The following GPC4 variants were observed in gnomAD, a reference collection of about 807,000 sequenced individuals.
GPC4 encodes glypican 4, also known as glypican-4.
A neutral mutation model predicts 35.0 loss-of-function variants in GPC4; 10 were observed. The ratio of observed to expected loss-of-function variants is 0.29; its 90% CI spans 0.18 to 0.48. The LOEUF (loss-of-function observed/expected upper bound fraction) is 0.48, where lower values mean the gene tolerates loss of function less well. GPC4 is among the 20% of genes least tolerant of loss of function. The pLI is 0.99. For synonymous variants in GPC4, 167 were observed against 170.2 expected (o/e 0.98, Z 0.15); for missense variants, 322 against 451.3 (o/e 0.71, Z 2.60).
At chrX:133,351,046 A>C (rs887023577) in intron 1 of GPC4, among the ~76,000 whole-genome samples, 1 of 112,718 alleles carries the variant, frequency 8.9e-6, no homozygotes, top group Non-Finnish European at 1.9e-5. Context: ...CTAAAGCCCT[A>C]GCACCTGGGC....
At chrX:133,374,506 G>A (rs2068625666) in intron 1 of GPC4, among the ~76,000 whole-genome samples, 1 of 111,672 alleles carries the variant, frequency 9.0e-6, no homozygotes, top group African/African-American at 3.3e-5. Flanking sequence ...TTAAATCGCA[G>A]GAGTTGGGGG....
At chrX:133,346,161 T>C (rs1458220516) in intron 1 of GPC4, among the ~76,000 whole-genome samples, 2 of 111,516 alleles carry the variant, frequency 1.8e-5, no homozygotes, top group Non-Finnish European at 3.8e-5. Context: ...TACTTTCAAT[T>C]TTCCTCCTGC....
At chrX:133,355,928 CCT>C (rs1253814805) in intron 1 of GPC4, among the ~76,000 whole-genome samples, 2 of 111,666 alleles carry the variant, frequency 1.8e-5, no homozygotes, top group African/African-American at 6.5e-5. Flanking sequence ...TTGAAAGCTC[CCT>C]GAGGCCTCAT....
intron 3 of GPC4, among the ~76,000 whole-genome samples, chrX:133,313,748 C>A (rs938620087): frequency 1.8e-5 from 2 of 112,189 alleles, no homozygotes; most frequent in South Asian, 3.7e-4. Context: ...AGTCACCTCA[C>A]AACATCGGAT....
In GPC4 at chrX:133,398,217, A is replaced by C. The variant is rs370824393; in HGVS notation, c.160+16589T>G. 1.5e-3 allele frequency among the ~76,000 whole-genome samples: 167 copies of C among 111,402 alleles called. 1 individual carries two copies. Among genetic ancestry groups the C allele is most frequent in the African/African-American group, 5.2e-3 (160 of 30,724 alleles). Reference sequence around the variant, plus strand: ...ACAAACTTGCTCCCAATTTACAACAATGCAGTCAGTTCACTGCATTAAATG... The same window carrying C: ...ACAAACTTGCTCCCAATTTACAACACTGCAGTCAGTTCACTGCATTAAATG... On this transcript the variant is annotated intron_variant, in intron 1 of 8. Coordinates refer to ENST00000370828, the MANE Select transcript of GPC4 (RefSeq NM_001448.3).
At chrX:133,351,362 C>G (rs186606093) in intron 1 of GPC4, among the ~76,000 whole-genome samples, 33 of 90,353 alleles carry the variant, frequency 3.7e-4, no homozygotes, top group Middle Eastern at 5.9e-3. Context: ...TGAACCCCCC[C>G]ATCAACTGCC....
intron 2 of GPC4, among the ~76,000 whole-genome samples, chrX:133,334,514 T>C (rs139073743): frequency 8.9e-6 from 1 of 111,911 alleles, no homozygotes; most frequent in Admixed American, 9.5e-5. Context: ...GAGGGTACCA[T>C]ACAGACGGCT....
At chrX:133,401,307 C>T (rs2068767213) in intron 1 of GPC4, among the ~76,000 whole-genome samples, 1 of 111,510 alleles carries the variant, frequency 9.0e-6, no homozygotes, top group African/African-American at 3.3e-5. Flanking sequence ...ACACTGGTTG[C>T]TATGCTGAGA....
intron 2 of GPC4, among the ~76,000 whole-genome samples, chrX:133,327,311 C>T (rs1485851602): frequency 3.6e-5 from 4 of 111,147 alleles, no homozygotes; most frequent in Non-Finnish European, 7.5e-5. Context: ...AGGGGTGGGG[C>T]GAGGTGCGGT....
chrX:133,353,875 C>T (rs1455893713), intron 1 of GPC4, among the ~76,000 whole-genome samples: 1 of 111,602 alleles, frequency 9.0e-6, no homozygotes, highest in Admixed American at 9.5e-5. Context: ...CCATCAAGCA[C>T]AGGGACACGT....
chrX:133,371,226 A>C (rs768708734), intron 1 of GPC4, among the ~76,000 whole-genome samples: 1 of 112,523 alleles, frequency 8.9e-6, no homozygotes, highest in South Asian at 3.7e-4. Context: ...CTGTTAACTA[A>C]AAGTCTACTT....
chrX:133,314,353 A>G (rs2068328032), intron 3 of GPC4, among the ~76,000 whole-genome samples: 1 of 112,063 alleles, frequency 8.9e-6, no homozygotes, highest in African/African-American at 3.2e-5. Flanking sequence ...TATGCAACAG[A>G]CCTTGTAGTA....
At position 133,414,809 on chromosome X, in the gene GPC4, T is replaced by G. The variant is rs751694190; in HGVS notation, c.157A>C (p.Asn53His). The change falls in exon 1 of 9, where the codon AAC becomes CAC. Residue 53 changes from asparagine (N) to histidine (H), a missense_variant. Coordinates refer to ENST00000370828, the MANE Select transcript of GPC4 (RefSeq NM_001448.3). ...NKNDAPLHEI[N>H]GDHLKICPQG... ...CCTCCCGGGTGTGCCCACCTACCGT[T>G]GATCTCGTGGAGGGGGGCATCGTTC... The G allele has an allele frequency of 5.0e-6, 6 of 1,209,544 alleles. No homozygotes were observed. Among genetic ancestry groups the G allele is most frequent in the Middle Eastern group, 2.3e-4 (1 of 4,357 alleles).
At chrX:133,343,126 C>G (rs772284147) in intron 1 of GPC4, among the ~76,000 whole-genome samples, 8 of 111,874 alleles carry the variant, frequency 7.2e-5, no homozygotes, top group Non-Finnish European at 1.3e-4. Flanking sequence ...CACTTTTTAA[C>G]AAGGGCTCTA....
chrX:133,395,263 CCAT>C (rs1232407523), intron 1 of GPC4, among the ~76,000 whole-genome samples: 4 of 111,610 alleles, frequency 3.6e-5, no homozygotes, highest in African/African-American at 1.3e-4. Context: ...ACAATTATCA[CCAT>C]GATTGTACGA....
intron 1 of GPC4, among the ~76,000 whole-genome samples, chrX:133,368,021 C>CAGG (rs1173860714): frequency 9.0e-6 from 1 of 111,707 alleles, no homozygotes; most frequent in African/African-American, 3.3e-5. Context: ...GAGGCAGAGG[C>CAGG]AGGAGGACTG....
intron 1 of GPC4, among the ~76,000 whole-genome samples, chrX:133,398,661 G>A (rs113987554): frequency 0.01 from 1,120 of 109,621 alleles, 17 homozygotes; most frequent in African/African-American, 0.036. Context: ...CCAGTTACTC[G>A]GGAGGCTGAG....
At chrX:133,380,139 C>G (rs772670627) in intron 1 of GPC4, among the ~76,000 whole-genome samples, 1 of 110,485 alleles carries the variant, frequency 9.1e-6, no homozygotes, top group Admixed American at 9.7e-5. Context: ...GAGTTTGAGA[C>G]CAGCCTGGCT....
At chrX:133,347,096 T>C (rs2068494455) in intron 1 of GPC4, among the ~76,000 whole-genome samples, 1 of 110,166 alleles carries the variant, frequency 9.1e-6, no homozygotes, top group African/African-American at 3.3e-5. Context: ...TAGGCTTTAG[T>C]TCGTAATTAT....
Sources: gnomAD v4.1 joint callset for allele counts (sites outside exome capture counted in the v4.1 genomes callset) on GRCh38, gnomAD v4.1.1 for gene constraint, MANE v1.5 for transcripts, NCBI Gene and HGNC (gene_info 2026-07-23, HGNC 2026-07-21) for gene names.